The following BMAL1 variants were observed in gnomAD, a reference collection of about 807,000 sequenced individuals.
BMAL1 encodes basic helix-loop-helix ARNT like 1.
At chr11:13,345,133 G>C in the BMAL1 span, among the ~76,000 whole-genome samples, 1 of 152,202 alleles carries the variant, frequency 6.6e-6, no homozygotes, top group East Asian at 1.9e-4. Flanking sequence ...ACATTCTTGG[G>C]CTTCACCAAG....
the BMAL1 span, chr11:13,372,214 G>C: frequency 6.2e-7 from 1 of 1,614,122 alleles, no homozygotes. Context: ...TTGAAAAGCT[G>C]GCCACCCACA....
chr11:13,283,145 A>G, the BMAL1 span, among the ~76,000 whole-genome samples: 1 of 152,088 alleles, frequency 6.6e-6, no homozygotes, highest in Non-Finnish European at 1.5e-5. Context: ...AAATAGTGTA[A>G]ACTAATTCTT....
the BMAL1 span, chr11:13,378,378 G>C: frequency 6.2e-7 from 1 of 1,613,148 alleles, no homozygotes; most frequent in Non-Finnish European, 8.5e-7. Context: ...AGGGATTCCA[G>C]GGGGAACCCG....
At chr11:13,354,883 G>A in the BMAL1 span, 2 of 233,438 alleles carry the variant, frequency 8.6e-6, no homozygotes, top group Non-Finnish European at 1.7e-5. Flanking sequence ...GAAGGAATGA[G>A]TGGAGGTCCT....
the BMAL1 span, among the ~76,000 whole-genome samples, chr11:13,312,132 A>G: frequency 6.6e-6 from 1 of 152,192 alleles, no homozygotes; most frequent in Non-Finnish European, 1.5e-5. Context: ...GCCATGATTT[A>G]TTGAACACTC....
the BMAL1 span, among the ~76,000 whole-genome samples, chr11:13,288,380 T>C: frequency 6.7e-6 from 1 of 149,678 alleles, no homozygotes; most frequent in Admixed American, 6.7e-5. Context: ...TTGGGTTTGA[T>C]TGGGGATTTT....
chr11:13,378,740 C>T, the BMAL1 span: 4 of 351,778 alleles, frequency 1.1e-5, no homozygotes, highest in African/African-American at 4.4e-5. Context: ...ACCAAAATAG[C>T]CCAGCGCTAA....
chr11:13,284,208 ATGTGTATATATATATATATG>A, the BMAL1 span, among the ~76,000 whole-genome samples: 556 of 43,580 alleles, frequency 0.013, 44 homozygotes, highest in South Asian at 0.039. Flanking sequence ...GTATATATAT[ATGTGTATATATATATATATG>A]TGTGTGTATA....
At chr11:13,354,714 C>G in the BMAL1 span, 1 of 415,594 alleles carries the variant, frequency 2.4e-6, no homozygotes, top group Non-Finnish European at 4.4e-6. Flanking sequence ...GCCTTAAGGC[C>G]AAGTTCTGTC....
At chr11:13,285,678 C>T in the BMAL1 span, among the ~76,000 whole-genome samples, 1 of 152,192 alleles carries the variant, frequency 6.6e-6, no homozygotes, top group African/African-American at 2.4e-5. Context: ...TTATGAGCTG[C>T]TTGTGTACAG....
the BMAL1 span, among the ~76,000 whole-genome samples, chr11:13,327,443 C>T: frequency 6.6e-6 from 1 of 151,888 alleles, no homozygotes; most frequent in Non-Finnish European, 1.5e-5. Flanking sequence ...GTTTTTTTCT[C>T]CTGTTGCTCC....
At chr11:13,349,325 T>C in the BMAL1 span, among the ~76,000 whole-genome samples, 1 of 152,248 alleles carries the variant, frequency 6.6e-6, no homozygotes, top group Non-Finnish European at 1.5e-5. Context: ...TTTTCATTGT[T>C]CTTGTTGTCT....
chr11:13,314,151 T>C, the BMAL1 span, among the ~76,000 whole-genome samples: 1 of 151,922 alleles, frequency 6.6e-6, no homozygotes, highest in African/African-American at 2.4e-5. Context: ...CATGTCTCTC[T>C]TGCAAAGCAC....
At chr11:13,382,251 C>T in the BMAL1 span, among the ~76,000 whole-genome samples, 7 of 151,274 alleles carry the variant, frequency 4.6e-5, no homozygotes, top group Non-Finnish European at 8.8e-5. Flanking sequence ...TTGCTCCCCC[C>T]AAAAAAGGTT....
chr11:13,363,374 T>C, the BMAL1 span, among the ~76,000 whole-genome samples: 1 of 152,092 alleles, frequency 6.6e-6, no homozygotes, highest in South Asian at 2.1e-4. Context: ...TTGTCTCTTC[T>C]ACTCCCTTGT....
the BMAL1 span, among the ~76,000 whole-genome samples, chr11:13,357,467 G>A: frequency 6.6e-6 from 1 of 152,234 alleles, no homozygotes; most frequent in African/African-American, 2.4e-5. This position sits in a 1 kb window ranked among gnomAD's most constrained non-coding sequence, Gnocchi z 4.8. Flanking sequence ...TCTGTCAGGG[G>A]CCCCTATTGC....
the BMAL1 span, chr11:13,355,078 T>G: frequency 1.6e-6 from 1 of 613,790 alleles, no homozygotes; most frequent in African/African-American, 1.8e-5. Context: ...AATAAGGCAG[T>G]GTAGAATATT....
chr11:13,312,825 C>T, the BMAL1 span, among the ~76,000 whole-genome samples: 1 of 152,174 alleles, frequency 6.6e-6, no homozygotes, highest in Non-Finnish European at 1.5e-5. Flanking sequence ...GTACAAGACA[C>T]TTAGCCTCTC....
chr11:13,340,179 G>T, the BMAL1 span, among the ~76,000 whole-genome samples: 1 of 152,168 alleles, frequency 6.6e-6, no homozygotes, highest in Non-Finnish European at 1.5e-5. Flanking sequence ...AGTGGTAGCC[G>T]TCTGAGGCCT....
Sources: gnomAD v4.1 joint callset for allele counts (sites outside exome capture counted in the v4.1 genomes callset) on GRCh38, gnomAD v4.1.1 for gene constraint, Gnocchi (gnomAD v3.1) non-coding constraint, MANE v1.5 for transcripts, NCBI Gene and HGNC (gene_info 2026-07-23, HGNC 2026-07-21) for gene names.